The following APLP2 variants were observed in gnomAD, a reference collection of about 807,000 sequenced individuals.
APLP2 encodes amyloid beta precursor like protein 2, also known as CDEI box-binding protein.
Under a neutral mutation model 89.9 loss-of-function variants are expected in APLP2, and 53 were observed. That is an observed-to-expected ratio of 0.59 (90% CI 0.47 to 0.74). APLP2 has a LOEUF of 0.74. APLP2 is among the 30% of genes least tolerant of loss of function. The probability of loss-of-function intolerance (pLI) is 0.00; values close to 1 mark genes in which losing one functional copy is unlikely to be tolerated. For missense variants in APLP2, 973 were observed against 975.9 expected (o/e 1.00, Z 0.04); for synonymous variants, 372 against 348.6 (o/e 1.07, Z -0.75).
At chr11:130,070,486 C>G in intron 1 of APLP2, 1 of 1,152,364 alleles carries the variant, frequency 8.7e-7, no homozygotes, top group Non-Finnish European at 1.1e-6. Flanking sequence ...CAGGGGCGGC[C>G]CCGCGCGGAC....
Position 130,072,182 on chromosome 11 carries a change from C to T in APLP2, c.105+2100C>T, listed in dbSNP as rs540464143. 8.5e-5 allele frequency among the ~76,000 whole-genome samples: 13 copies of T among 152,344 alleles called. 1 individual carries two copies. Among genetic ancestry groups the T allele is most frequent in the Admixed American group, 7.8e-4 (12 of 15,304 alleles). On this transcript the variant is annotated intron_variant, in intron 1 of 16. Coordinates refer to ENST00000338167, the MANE Select transcript of APLP2 (RefSeq NM_001142276.2). ...TCCTCTCTTAAATCCGAGACAAGTT[C>T]TCCTGTGTGCATGCTCCCATTTGGG...
rs75944032 is a variant in APLP2 at position 130,125,230 on chromosome 11, G to A, written c.1090+1451G>A. 4.9e-3 allele frequency among the ~76,000 whole-genome samples: 742 copies of A among 152,314 alleles called. 5 individuals are homozygous for A. The highest frequency in any genetic ancestry group is 0.017 in the African/African-American group (707 of 41,568). On this transcript the variant is annotated intron_variant, in intron 7 of 16. Coordinates refer to ENST00000338167, the MANE Select transcript of APLP2 (RefSeq NM_001142276.2). ...GGACCGAGGGTGTCTTCAGAAAAAA[G>A]CATTTCGGCCCGCTGTCCTCTCCAC...
At chr11:130,085,438 C>T (rs895429689) in intron 1 of APLP2, among the ~76,000 whole-genome samples, 5 of 148,540 alleles carry the variant, frequency 3.4e-5, no homozygotes, top group Non-Finnish European at 4.4e-5. Flanking sequence ...GGCAACAGAG[C>T]GAGACTCCAT....
intron 3 of APLP2, among the ~76,000 whole-genome samples, chr11:130,116,067 C>G (rs1282162644): frequency 2.0e-5 from 3 of 151,736 alleles, no homozygotes; most frequent in Non-Finnish European, 4.4e-5. Flanking sequence ...ACGTATGCTC[C>G]TCTGTTTAAA....
At chr11:130,097,738 G>GT (rs1322808336) in intron 1 of APLP2, among the ~76,000 whole-genome samples, 1 of 152,158 alleles carries the variant, frequency 6.6e-6, no homozygotes, top group African/African-American at 2.4e-5. Flanking sequence ...CCAGTGTTTG[G>GT]TTTTTATGGA....
intron 1 of APLP2, among the ~76,000 whole-genome samples, chr11:130,084,889 A>G (rs1037871972): frequency 2.6e-5 from 4 of 152,188 alleles, no homozygotes; most frequent in Non-Finnish European, 4.4e-5. Flanking sequence ...GGTTTTTGAA[A>G]AGATAAGCAA....
rs768524728 is a variant in APLP2, at chr11:130,126,843, A to G, written c.1221+13A>G. ...CCGAATGGACAGGGTAAACCTTGAC[A>G]ATTTCTTCATCTTCATGGTACTTGG... is the stretch of plus-strand genomic sequence containing the variant. On this transcript the variant is annotated intron_variant, in intron 8 of 16. Coordinates refer to ENST00000338167, the MANE Select transcript of APLP2 (RefSeq NM_001142276.2). 8.7e-6 allele frequency: 14 copies of G among 1,613,768 alleles called. No homozygotes were observed. The East Asian group carries it at 2.7e-4, about 31-fold the overall frequency.
Position 130,122,353 on chromosome 11 carries a change from GGATGAGGAT to G in APLP2, c.774_782del (p.Asp258_Asp260del), listed in dbSNP as rs1247990052. The G allele has an allele frequency of 6.2e-7, 1 of 1,614,112 alleles. No individual in the cohort carries two copies. The highest frequency in any genetic ancestry group is 1.1e-5 in the South Asian group (1 of 91,078). The stretch of plus-strand genomic sequence containing the variant: ...TGGAAGACTTCACAGAAGCAGCTGT[GGATGAGGAT>G]GATGAGGATGAGGAAGAAGGGGAGG... On this transcript the variant is annotated inframe_deletion, in exon 6 of 17. Transcript: ENST00000338167.
At chr11:130,108,363 G>GA (rs1486516438) in intron 1 of APLP2, among the ~76,000 whole-genome samples, 1 of 152,126 alleles carries the variant, frequency 6.6e-6, no homozygotes, top group Non-Finnish European at 1.5e-5. Flanking sequence ...AAATTTACAA[G>GA]AAAAAATCAA....
At chr11:130,072,613 A>T (rs971738393) in intron 1 of APLP2, among the ~76,000 whole-genome samples, 1 of 151,188 alleles carries the variant, frequency 6.6e-6, no homozygotes, top group African/African-American at 2.4e-5. Context: ...AGTAGCTGGG[A>T]TTGCAGGCGC....
rs1386560648 is a variant in APLP2 at position 130,110,548 on chromosome 11, A to G, written c.290A>G (p.Glu97Gly). ...VLQYCQEMYP[E>G]LQITNVMEAN... ...TTGTTTTCTTAACAGATGTATCCAG[A>G]GCTACAGATCACAAATGTGATGGAG... Residue 97 changes from glutamate (E) to glycine (G), a missense_variant, in exon 3 of 17, where the codon GAG becomes GGG. By Grantham distance (98) the Glu-to-Gly change is moderately conservative (BLOSUM62 -2). Coordinates refer to ENST00000338167, the MANE Select transcript of APLP2 (RefSeq NM_001142276.2). 6.2e-7 allele frequency: 1 copy of G among 1,613,846 alleles called. No homozygotes were observed. The highest frequency in any genetic ancestry group is 1.1e-5 in the South Asian group (1 of 91,062).
intron 13 of APLP2, 137 bp downstream of exon 13, chr11:130,135,852 A>G: frequency 3.8e-6 from 4 of 1,056,312 alleles, no homozygotes; most frequent in Non-Finnish European, 5.5e-6. Context: ...GACTGGATTC[A>G]TTGAGCGCCT....
At chr11:130,081,368 GGGATGTTGCCTACTAGCCAGTGATT>G (rs1289123860) in intron 1 of APLP2, among the ~76,000 whole-genome samples, 7 of 152,250 alleles carry the variant, frequency 4.6e-5, no homozygotes, top group South Asian at 4.1e-4. Context: ...TTATTGCATA[GGGATGTTGCCTACTAGCCAGTGATT>G]GGATATTTGC....
At chr11:130,142,707 G>A (rs923773585) in intron 16 of APLP2, among the ~76,000 whole-genome samples, 2 of 152,106 alleles carry the variant, frequency 1.3e-5, no homozygotes, top group Non-Finnish European at 2.9e-5. Context: ...TCTGTCTCCC[G>A]GGTTCAGGTG....
chr11:130,095,795 C>T (rs1946122532), intron 1 of APLP2, among the ~76,000 whole-genome samples: 1 of 152,190 alleles, frequency 6.6e-6, no homozygotes, highest in Non-Finnish European at 1.5e-5. Context: ...TTAGAAATAC[C>T]TGCAGGTTGA....
At chr11:130,120,221 C>T (rs922691852) in intron 3 of APLP2, among the ~76,000 whole-genome samples, 4 of 151,982 alleles carry the variant, frequency 2.6e-5, no homozygotes, top group African/African-American at 4.8e-5. Context: ...CACCTTTGCC[C>T]CTTTGTAATT....
chr11:130,117,124 C>A (rs1949280428), intron 3 of APLP2, among the ~76,000 whole-genome samples: 1 of 151,366 alleles, frequency 6.6e-6, no homozygotes, highest in Non-Finnish European at 1.5e-5. Context: ...GTGTGAGACT[C>A]CATCTTAAAA....
At chr11:130,116,026 T>G (rs898690065) in intron 3 of APLP2, among the ~76,000 whole-genome samples, 3 of 152,230 alleles carry the variant, frequency 2.0e-5, no homozygotes, top group African/African-American at 7.2e-5. Context: ...TATATACTTT[T>G]AAATGTTTTT....
chr11:130,087,462 G>GT (rs374361493), intron 1 of APLP2, among the ~76,000 whole-genome samples: 1 of 152,184 alleles, frequency 6.6e-6, no homozygotes, highest in African/African-American at 2.4e-5. Flanking sequence ...GCTTCAGTTG[G>GT]TGAAGAGAGC....
Sources: allele counts gnomAD v4.1 joint callset (sites outside exome capture counted in the v4.1 genomes callset), GRCh38; gene constraint gnomAD v4.1.1; transcripts MANE v1.5; gene names NCBI Gene and HGNC (gene_info 2026-07-23, HGNC 2026-07-21).